The following CHST11 variants were observed in gnomAD, a reference collection of about 807,000 sequenced individuals.
CHST11 encodes carbohydrate sulfotransferase 11, also known as C4S-1.
In CHST11, 9 loss-of-function variants were observed where a neutral mutation model predicts 30.4. That is an observed-to-expected ratio of 0.30 (90% confidence interval 0.18 to 0.52). CHST11 has a LOEUF of 0.52. Ranked by LOEUF, CHST11 falls within the 20% of genes least tolerant of loss-of-function variation. The pLI, the probability that CHST11 is intolerant of heterozygous loss-of-function variation, is 0.97. For missense variants in CHST11, 348 were observed against 460.6 expected (o/e 0.76, Z 2.24); for synonymous variants, 152 against 187.8 (o/e 0.81, Z 1.56).
At chr12:104,649,689 C>T (rs2039473218) in intron 2 of CHST11, among the ~76,000 whole-genome samples, 1 of 152,160 alleles carries the variant, frequency 6.6e-6, no homozygotes. Context: ...TTTAGCATGC[C>T]AACTCATCTG....
intron 2 of CHST11, among the ~76,000 whole-genome samples, chr12:104,666,540 G>C (rs982813928): frequency 6.6e-6 from 1 of 152,166 alleles, no homozygotes; most frequent in African/African-American, 2.4e-5. Context: ...CTCTGTCTGC[G>C]TGTTGAATTC....
intron 2 of CHST11, among the ~76,000 whole-genome samples, chr12:104,632,277 G>A (rs75599762): frequency 3.9e-5 from 6 of 152,040 alleles, no homozygotes; most frequent in African/African-American, 1.2e-4. Context: ...GCAAGCAGAG[G>A]TGTAGTGGGG....
At chr12:104,639,514 A>G (rs1428485059) in intron 2 of CHST11, among the ~76,000 whole-genome samples, 1 of 152,164 alleles carries the variant, frequency 6.6e-6, no homozygotes, top group East Asian at 1.9e-4. Context: ...CCAAGCTAGG[A>G]GGTAGGAGAA....
chr12:104,516,235 G>A (rs916635588), intron 1 of CHST11, among the ~76,000 whole-genome samples: 3 of 152,254 alleles, frequency 2.0e-5, no homozygotes, highest in Non-Finnish European at 4.4e-5. Flanking sequence ...AATGTCATAT[G>A]TCCCCTAGGG....
intron 2 of CHST11, among the ~76,000 whole-genome samples, chr12:104,702,733 CGTT>C (rs576397053): frequency 2.0e-4 from 30 of 152,350 alleles, no homozygotes; most frequent in African/African-American, 6.7e-4. Context: ...TCTTCAAGCA[CGTT>C]GTGAACATTA....
intron 2 of CHST11, among the ~76,000 whole-genome samples, chr12:104,731,509 G>A (rs1322487197): frequency 2.6e-5 from 4 of 152,212 alleles, no homozygotes; most frequent in Non-Finnish European, 5.9e-5. Flanking sequence ...GAAGAGGGGA[G>A]AACCTGGTAT....
intron 1 of CHST11, among the ~76,000 whole-genome samples, chr12:104,529,497 A>T (rs1306231484): frequency 2.0e-5 from 3 of 152,198 alleles, no homozygotes; most frequent in African/African-American, 7.2e-5. Flanking sequence ...CCAAATAATG[A>T]TGACTTTAAA....
At chr12:104,645,242 C>T (rs116900137) in intron 2 of CHST11, among the ~76,000 whole-genome samples, 8,860 of 152,250 alleles carry the variant, frequency 0.058, 333 homozygotes, top group East Asian at 0.12. Flanking sequence ...CCACCACGCC[C>T]GGCCTTCCAC....
chr12:104,503,214 G>A (rs1458826934), intron 1 of CHST11, among the ~76,000 whole-genome samples: 4 of 152,192 alleles, frequency 2.6e-5, no homozygotes, highest in Non-Finnish European at 5.9e-5. Flanking sequence ...GCTGCTGCCT[G>A]GCTGTATGAC....
chr12:104,509,243 C>T (rs577768748), intron 1 of CHST11, among the ~76,000 whole-genome samples: 2 of 152,298 alleles, frequency 1.3e-5, no homozygotes, highest in Admixed American at 1.3e-4. Flanking sequence ...TTGCCTGCTG[C>T]CATCCATGTA....
chr12:104,556,998 A>C (rs2038463707), intron 1 of CHST11, among the ~76,000 whole-genome samples: 1 of 151,958 alleles, frequency 6.6e-6, no homozygotes, highest in Non-Finnish European at 1.5e-5. Context: ...AAAAAAAAAA[A>C]AGATTTCCCT....
At chr12:104,463,179 G>A (rs1271645942) in intron 1 of CHST11, among the ~76,000 whole-genome samples, 2 of 152,208 alleles carry the variant, frequency 1.3e-5, no homozygotes, top group African/African-American at 2.4e-5. Context: ...CCTCTCTTTA[G>A]TCTGGAGGTC....
At chr12:104,516,008 A>T (rs2038018960) in intron 1 of CHST11, among the ~76,000 whole-genome samples, 1 of 152,250 alleles carries the variant, frequency 6.6e-6, no homozygotes, top group South Asian at 2.1e-4. Flanking sequence ...TATCTTCAGA[A>T]CAATAGGAAA....
At chr12:104,481,571 C>T (rs1439792554) in intron 1 of CHST11, among the ~76,000 whole-genome samples, 2 of 152,038 alleles carry the variant, frequency 1.3e-5, no homozygotes, top group African/African-American at 2.4e-5. Context: ...CTGTAGGGAG[C>T]GGTCATGGAT....
chr12:104,708,908 AG>A (rs1281302235), intron 2 of CHST11, among the ~76,000 whole-genome samples: 2 of 152,182 alleles, frequency 1.3e-5, no homozygotes, highest in East Asian at 3.9e-4. Context: ...TCACCTTAGT[AG>A]CTTCATAGAA....
intron 1 of CHST11, among the ~76,000 whole-genome samples, chr12:104,488,464 T>A (rs2037707092): frequency 6.6e-6 from 1 of 151,860 alleles, no homozygotes; most frequent in Non-Finnish European, 1.5e-5. Context: ...TATGCATGTA[T>A]GTGTGTATGC....
chr12:104,704,978 C>T (rs1013059910), intron 2 of CHST11, among the ~76,000 whole-genome samples: 5 of 152,022 alleles, frequency 3.3e-5, no homozygotes, highest in Admixed American at 6.5e-5. Flanking sequence ...GTTCCGTATG[C>T]CTTAGTGTGT....
chr12:104,738,327 C>A lies in CHST11; in HGVS notation c.205-18622C>A, dbSNP rs746359038. ...CTCAAGGCTGCACTCCCTGTTCCCCCACCCAATCCTCTCTTAGATGGCCTT... is the reference window on the plus strand; with the variant it reads ...CTCAAGGCTGCACTCCCTGTTCCCCAACCCAATCCTCTCTTAGATGGCCTT... On this transcript the variant is annotated intron_variant, in intron 2 of 2. Transcript: ENST00000303694. 3.3e-5 allele frequency among the ~76,000 whole-genome samples: 5 copies of A among 152,230 alleles called. No homozygotes were observed. In the East Asian group the frequency reaches 7.7e-4, roughly 23 times the overall value.
chr12:104,605,439 C>T (rs1454583010), intron 2 of CHST11, among the ~76,000 whole-genome samples: 1 of 152,096 alleles, frequency 6.6e-6, no homozygotes, highest in African/African-American at 2.4e-5. Context: ...ATTCTATGGG[C>T]GTGGTGGCGG....
Sources: allele counts gnomAD v4.1 joint callset (sites outside exome capture counted in the v4.1 genomes callset), GRCh38; gene constraint gnomAD v4.1.1; transcripts MANE v1.5; gene names NCBI Gene and HGNC (gene_info 2026-07-23, HGNC 2026-07-21).